Variants in LHFPL2 observed in about 807,000 individuals in gnomAD.
LHFPL2 encodes LHFPL tetraspan subfamily member 2, also known as LHFPL tetraspan subfamily member 2 protein.
LHFPL2 carries 7 observed loss-of-function variants against 17.5 expected under a neutral mutation model. That is an observed-to-expected ratio of 0.40 (90% CI 0.23 to 0.75). The LOEUF (loss-of-function observed/expected upper bound fraction) is 0.75, where lower values mean the gene tolerates loss of function less well. Ranked by LOEUF, LHFPL2 falls within the 30% of genes least tolerant of loss-of-function variation. LHFPL2 has a pLI of 0.37. For missense variants in LHFPL2, 241 were observed against 294.8 expected (o/e 0.82, Z 1.34); for synonymous variants, 134 against 116.2 (o/e 1.15, Z -0.99).
At chr5:78,531,753 A>G (rs1755790321) in intron 3 of LHFPL2, among the ~76,000 whole-genome samples, 1 of 152,040 alleles carries the variant, frequency 6.6e-6, no homozygotes. Flanking sequence ...AAGCTCTTAA[A>G]AGGGATCTGA....
At chr5:78,532,314 C>T (rs976076045) in intron 3 of LHFPL2, among the ~76,000 whole-genome samples, 4 of 152,322 alleles carry the variant, frequency 2.6e-5, no homozygotes, top group Admixed American at 6.5e-5. Context: ...CCTGCCTTGG[C>T]CTCCTAAAGT....
intron 2 of LHFPL2, among the ~76,000 whole-genome samples, chr5:78,594,892 C>T (rs1041710010): frequency 1.3e-5 from 2 of 152,324 alleles, no homozygotes; most frequent in Admixed American, 1.3e-4. Flanking sequence ...TTGCATGTCA[C>T]ATCTCAACTT....
At position 78,509,986 on chromosome 5, in the gene LHFPL2, G is replaced by T. The variant is rs1755056696; in HGVS notation, c.228C>A (p.Phe76Leu). 3 of 1,613,722 alleles carry T rather than the reference G, an allele frequency of 1.9e-6. No individual in the cohort carries two copies. The highest frequency in any genetic ancestry group is 2.5e-6 in the Non-Finnish European group (3 of 1,179,924). The change falls in exon 4 of 5, where the codon TTC becomes TTA. Residue 76 changes from phenylalanine (F) to leucine (L), a missense_variant. Physicochemically the swap from Phe to Leu is conservative, Grantham distance 22. Coordinates refer to ENST00000380345, the MANE Select transcript of LHFPL2 (RefSeq NM_005779.3). The part of the protein sequence containing the change: ...RCIRNPGVQH[F>L]QRDTLCGPYA... ...AGGGCCCGCACAGCGTGTCCCGCTGGAAGTGCTGCACCCCTGGGTTCCGGA... is the reference window on the plus strand; with the variant it reads ...AGGGCCCGCACAGCGTGTCCCGCTGTAAGTGCTGCACCCCTGGGTTCCGGA...
rs142128359 is a variant in LHFPL2, at chr5:78,606,194, T to G, written c.-245+26070A>C. The stretch of plus-strand genomic sequence containing the variant: ...CCCTAAACATTTGTTTTTTAAAAAC[T>G]GGTCCATGAAATCCAAAAGTCTAGG... On this transcript the variant is annotated intron_variant, in intron 2 of 4. Coordinates refer to ENST00000380345, the MANE Select transcript of LHFPL2 (RefSeq NM_005779.3). 7.9e-5 allele frequency among the ~76,000 whole-genome samples: 12 copies of G among 152,336 alleles called. No individual in the cohort carries two copies. The East Asian group carries it at 2.1e-3, about 27-fold the overall frequency.
intron 2 of LHFPL2, 21 bp from the exon 3 acceptor site, chr5:78,564,892 A>C (rs1756819215): frequency 6.6e-6 from 1 of 152,254 alleles, no homozygotes; most frequent in African/African-American, 2.4e-5. Flanking sequence ...AAATTGAACA[A>C]AGAGTTAGAT....
intron 2 of LHFPL2, among the ~76,000 whole-genome samples, chr5:78,603,414 G>T (rs1385609232): frequency 6.6e-6 from 1 of 152,140 alleles, no homozygotes; most frequent in Non-Finnish European, 1.5e-5. Flanking sequence ...TTTCCTTCCA[G>T]TTGTTTTGTT....
chr5:78,567,028 C>T (rs1756877158), intron 2 of LHFPL2, among the ~76,000 whole-genome samples: 1 of 152,148 alleles, frequency 6.6e-6, no homozygotes, highest in Non-Finnish European at 1.5e-5. Context: ...TCAAAGATAA[C>T]ATTTTTTAAA....
At chr5:78,621,912 GCC>G (rs977196163) in intron 2 of LHFPL2, among the ~76,000 whole-genome samples, 1 of 151,768 alleles carries the variant, frequency 6.6e-6, no homozygotes, top group African/African-American at 2.4e-5. Context: ...GAATCTAACT[GCC>G]CCACAAAGCA....
At chr5:78,490,756 AAAAAAAAAGC>A (rs1017410454) in intron 4 of LHFPL2, among the ~76,000 whole-genome samples, 25 of 151,586 alleles carry the variant, frequency 1.6e-4, no homozygotes, top group African/African-American at 5.8e-4. Context: ...CAAAAAAAAA[AAAAAAAAAGC>A]AAGATACTGC....
chr5:78,605,960 C>T (rs1202230682), intron 2 of LHFPL2, among the ~76,000 whole-genome samples: 1 of 152,218 alleles, frequency 6.6e-6, no homozygotes, highest in African/African-American at 2.4e-5. Context: ...CTCAATAACA[C>T]ATTTTACAAA....
chr5:78,518,649 T>C (rs1755358484), intron 3 of LHFPL2, among the ~76,000 whole-genome samples: 1 of 152,158 alleles, frequency 6.6e-6, no homozygotes. Context: ...TGAGCCGGTG[T>C]AATGACTCAG....
chr5:78,616,374 G>A (rs371157016), intron 2 of LHFPL2, among the ~76,000 whole-genome samples: 5 of 152,076 alleles, frequency 3.3e-5, no homozygotes, highest in Middle Eastern at 3.4e-3. Flanking sequence ...TGATCCAGCC[G>A]CCTCGCCCTC....
At chr5:78,588,537 A>G (rs1449602444) in intron 2 of LHFPL2, among the ~76,000 whole-genome samples, 2 of 151,730 alleles carry the variant, frequency 1.3e-5, no homozygotes, top group African/African-American at 2.4e-5. Context: ...GCCATCTCCT[A>G]TTTTTTTTAA....
rs145210067 is a variant in LHFPL2, at chr5:78,609,025, G to C, written c.-245+23239C>G. ...TAATAAAAAATGGCATGACCTTTCTGCAAGAGTTTGTCAACCTGCATGAAT... is the reference window on the plus strand; with the variant it reads ...TAATAAAAAATGGCATGACCTTTCTCCAAGAGTTTGTCAACCTGCATGAAT... On this transcript the variant is annotated intron_variant, in intron 2 of 4. Coordinates refer to ENST00000380345, the MANE Select transcript of LHFPL2 (RefSeq NM_005779.3). 6.1e-3 allele frequency among the ~76,000 whole-genome samples: 924 copies of C among 152,006 alleles called. 11 individuals carry two copies. The highest frequency in any genetic ancestry group is 0.021 in the African/African-American group (874 of 41,436).
intron 2 of LHFPL2, among the ~76,000 whole-genome samples, chr5:78,592,488 C>T (rs1230038729): frequency 2.0e-5 from 3 of 152,162 alleles, no homozygotes; most frequent in African/African-American, 7.2e-5. Context: ...GTGCTTTTTC[C>T]TTCTCTCTCC....
chr5:78,530,084 T>C (rs1561324173), intron 3 of LHFPL2, among the ~76,000 whole-genome samples: 1 of 152,214 alleles, frequency 6.6e-6, no homozygotes, highest in East Asian at 1.9e-4. Flanking sequence ...ATAAGATCCA[T>C]CAGGCACATT....
intron 3 of LHFPL2, among the ~76,000 whole-genome samples, chr5:78,546,941 A>G (rs150186691): frequency 7.9e-5 from 12 of 152,186 alleles, no homozygotes; most frequent in African/African-American, 2.9e-4. Flanking sequence ...TTTGAGCATG[A>G]AACACTGTTT....
At chr5:78,644,187 A>C (rs1745782379) in intron 1 of LHFPL2, 6 of 576,278 alleles carry the variant, frequency 1.0e-5, no homozygotes, top group Non-Finnish European at 1.5e-5. Context: ...TTCCATTTCA[A>C]TTTCTTTAAA....
intron 2 of LHFPL2, among the ~76,000 whole-genome samples, chr5:78,596,132 C>A (rs765295935): frequency 5.9e-5 from 9 of 152,144 alleles, no homozygotes; most frequent in Admixed American, 1.3e-4. Context: ...TTATAAGCAA[C>A]CCTCATGACA....
Sources: gnomAD v4.1 joint callset for allele counts (sites outside exome capture counted in the v4.1 genomes callset) on GRCh38, gnomAD v4.1.1 for gene constraint, MANE v1.5 for transcripts, NCBI Gene and HGNC (gene_info 2026-07-23, HGNC 2026-07-21) for gene names.